ADGRV1: variants seen among roughly 807,000 people sequenced by gnomAD.
ADGRV1 encodes the protein adhesion G protein-coupled receptor V1.
A neutral mutation model predicts 596.2 loss-of-function variants in ADGRV1; 359 were observed. The observed-to-expected ratio is 0.60, with a 90% CI of 0.55 to 0.66. ADGRV1 has a LOEUF of 0.66. Ranked by LOEUF, ADGRV1 falls within the 30% of genes least tolerant of loss-of-function variation. ADGRV1 has a pLI of 0.00. For synonymous variants in ADGRV1, 2,681 were observed against 2,679.2 expected, an observed-to-expected ratio of 1.00 and a Z score of -0.02; for missense variants, 7,274 against 7,575.6, an observed-to-expected ratio of 0.96 and a Z score of 1.48.
At position 90,585,815 on chromosome 5, in the gene ADGRV1, A is replaced by G. The variant is rs189283464; in HGVS notation, c.22+26898A>G. ...TTCCACTACAATGATTCAGCCAAGG[A>G]CATAGAGAACGAAGCCATCTTATGG... is the stretch of plus-strand genomic sequence containing the variant. On this transcript the variant is annotated intron_variant, in intron 1 of 89. Coordinates refer to ENST00000405460, the MANE Select transcript of ADGRV1 (RefSeq NM_032119.4). Among the ~76,000 whole-genome samples the G allele has an allele frequency of 5.3e-5, 8 of 152,350 alleles. No homozygotes were observed. The East Asian group carries it at 9.6e-4, about 18-fold the overall frequency.
chr5:90,804,196 A>C (rs895949690), intron 71 of ADGRV1, among the ~76,000 whole-genome samples: 1 of 152,160 alleles, frequency 6.6e-6, no homozygotes, highest in Non-Finnish European at 1.5e-5. Context: ...TGAGGTCAGG[A>C]GTTTGAGACT....
intron 83 of ADGRV1, among the ~76,000 whole-genome samples, chr5:90,934,682 T>C (rs1581565668): frequency 6.6e-6 from 1 of 152,224 alleles, no homozygotes; most frequent in East Asian, 1.9e-4. Context: ...TGTTTTTGTC[T>C]CAGCTAGGGC....
In ADGRV1 at chr5:90,756,631, G is replaced by A. The variant is rs886498535; in HGVS notation, c.11757+1G>A. ...AATTTTTATGTTTCATGTTACTAGAGTGAGATGAACTTTCATTTGTTTACA... is the reference window on the plus strand; with the variant it reads ...AATTTTTATGTTTCATGTTACTAGAATGAGATGAACTTTCATTTGTTTACA... On this transcript the variant is annotated splice_donor_variant, in intron 56 of 89. Coordinates refer to ENST00000405460, the MANE Select transcript of ADGRV1 (RefSeq NM_032119.4). LOFTEE classifies it high-confidence loss of function. 1.2e-6 allele frequency: 2 copies of A among 1,612,016 alleles called. No individual in the cohort carries two copies. Among genetic ancestry groups the A allele is most frequent in the African/African-American group, 1.3e-5 (1 of 75,028 alleles).
In ADGRV1 at chr5:90,810,785, G is replaced by A; in HGVS notation, c.15525G>A (p.Val5175=). 1.2e-6 allele frequency: 2 copies of A among 1,613,918 alleles called. No homozygotes were observed. The highest frequency in any genetic ancestry group is 1.7e-6 in the Non-Finnish European group (2 of 1,179,870). The change falls in exon 74 of 90, where the codon GTG becomes GTA. Residue 5175 remains valine, a synonymous_variant. Transcript: ENST00000405460. Reference sequence around the variant, plus strand: ...CTACCATTCTGCAGCCAACCAACGTGGTTGCCATTGTTACTGAGGCAACTG... The same window carrying A: ...CTACCATTCTGCAGCCAACCAACGTAGTTGCCATTGTTACTGAGGCAACTG... ...KTTTILQPTN[V]VAIVTEATGV... is the part of the protein sequence containing the mutation.
chr5:90,772,378 T>C (rs148660626), intron 59 of ADGRV1, among the ~76,000 whole-genome samples: 6 of 152,292 alleles, frequency 3.9e-5, no homozygotes, highest in African/African-American at 1.4e-4. Context: ...CTTTTTCCAG[T>C]CCATTTATTA....
At chr5:90,584,080 C>G (rs1758420312) in intron 1 of ADGRV1, among the ~76,000 whole-genome samples, 1 of 152,096 alleles carries the variant, frequency 6.6e-6, no homozygotes. Flanking sequence ...ACTCAGGTTC[C>G]TCATTTCACA....
chr5:91,082,005 A>G (rs1414233934), intron 86 of ADGRV1, among the ~76,000 whole-genome samples: 2 of 152,146 alleles, frequency 1.3e-5, no homozygotes, highest in Non-Finnish European at 1.5e-5. Context: ...AATTGAAACT[A>G]ATTTCCATCT....
At chr5:90,740,626 A>G (rs1006386765) in intron 50 of ADGRV1, among the ~76,000 whole-genome samples, 3 of 152,094 alleles carry the variant, frequency 2.0e-5, no homozygotes, top group African/African-American at 7.2e-5. Context: ...AGCCGCCACC[A>G]AGATCTGCTT....
intron 20 of ADGRV1, 41 bp downstream of exon 20, chr5:90,653,993 T>C (rs994267426): frequency 6.5e-7 from 1 of 1,545,702 alleles, no homozygotes; most frequent in African/African-American, 1.4e-5. Flanking sequence ...AAATTTGCAG[T>C]TTCTAAAATT....
chr5:90,648,217 T>C (rs1177522750), intron 17 of ADGRV1, among the ~76,000 whole-genome samples: 1 of 152,174 alleles, frequency 6.6e-6, no homozygotes, highest in African/African-American at 2.4e-5. Flanking sequence ...TCTGGAGCCA[T>C]GGCCAAAATG....
At chr5:90,585,734 C>A (rs1394639) in intron 1 of ADGRV1, among the ~76,000 whole-genome samples, 10,065 of 152,248 alleles carry the variant, frequency 0.066, 1,093 homozygotes, top group African/African-American at 0.23. Context: ...AGCAGTCCCG[C>A]ATGTTAGGAT....
At chr5:90,572,643 C>T (rs77861484) in intron 1 of ADGRV1, among the ~76,000 whole-genome samples, 5,533 of 152,196 alleles carry the variant, frequency 0.036, 271 homozygotes, top group African/African-American at 0.11. Flanking sequence ...CACACGCACA[C>T]GCACGTGCAC....
chr5:90,881,907 C>T (rs1315552264), intron 83 of ADGRV1, among the ~76,000 whole-genome samples: 2 of 151,922 alleles, frequency 1.3e-5, no homozygotes, highest in Non-Finnish European at 2.9e-5. Flanking sequence ...ATATGTCTTG[C>T]TTTGTTGCTC....
At chr5:90,647,397 C>G (rs540145854) in intron 16 of ADGRV1, 101 bp from the exon 17 acceptor site, 1 of 1,225,584 alleles carries the variant, frequency 8.2e-7, no homozygotes, top group Non-Finnish European at 1.1e-6. Flanking sequence ...AGACACAGTA[C>G]AAGGCTTCTC....
At chr5:90,882,502 C>G (rs1448158525) in intron 83 of ADGRV1, among the ~76,000 whole-genome samples, 1 of 152,076 alleles carries the variant, frequency 6.6e-6, no homozygotes, top group East Asian at 1.9e-4. Flanking sequence ...TACACAGATG[C>G]CTATATATTT....
chr5:90,926,305 TCAGCTC>T (rs1157683021), intron 83 of ADGRV1, among the ~76,000 whole-genome samples: 2 of 151,882 alleles, frequency 1.3e-5, no homozygotes, highest in Non-Finnish European at 2.9e-5. Context: ...TGCCACAATT[TCAGCTC>T]CTGTTATTGG....
At chr5:90,937,149 T>C (rs1446580935) in intron 83 of ADGRV1, among the ~76,000 whole-genome samples, 1 of 152,186 alleles carries the variant, frequency 6.6e-6, no homozygotes, top group African/African-American at 2.4e-5. Flanking sequence ...CTTATATATT[T>C]GATCCTTATT....
intron 86 of ADGRV1, among the ~76,000 whole-genome samples, chr5:91,091,179 A>C (rs1363708085): frequency 1.3e-5 from 2 of 152,048 alleles, no homozygotes; most frequent in East Asian, 3.9e-4. Flanking sequence ...TTTCCCTCCC[A>C]TTAAAAAACA....
intron 53 of ADGRV1, 73 bp downstream of exon 53, chr5:90,750,770 C>A: frequency 1.7e-6 from 2 of 1,153,524 alleles, no homozygotes; most frequent in Non-Finnish European, 1.3e-6. Flanking sequence ...CCAAATCCTG[C>A]CTTATGGATG....
Sources: allele counts gnomAD v4.1 joint callset (sites outside exome capture counted in the v4.1 genomes callset), GRCh38; gene constraint gnomAD v4.1.1; transcripts MANE v1.5; gene names NCBI Gene and HGNC (gene_info 2026-07-23, HGNC 2026-07-21).